The following CDH13 variants were observed in gnomAD, a reference collection of about 807,000 sequenced individuals.
CDH13 encodes cadherin 13.
Under a neutral mutation model 63.8 loss-of-function variants are expected in CDH13, and 24 were observed. The observed-to-expected ratio is 0.38, with a 90% CI of 0.27 to 0.53. The LOEUF (loss-of-function observed/expected upper bound fraction) is 0.53. Among genes scored for constraint, CDH13 ranks in the 20% least tolerant of loss-of-function variants. The pLI is 0.85. For synonymous variants in CDH13, 503 were observed against 355.3 expected, an observed-to-expected ratio of 1.42 and a Z score of -4.67; for missense variants, 1,049 against 903.1, an observed-to-expected ratio of 1.16 and a Z score of -2.07.
intron 10 of CDH13, among the ~76,000 whole-genome samples, chr16:83,742,440 C>A (rs1395667335): frequency 6.6e-6 from 1 of 151,732 alleles, no homozygotes; most frequent in Non-Finnish European, 1.5e-5. Context: ...TTTTTTTTTC[C>A]TGTAACAAGC....
At chr16:83,726,335 C>T (rs1446565407) in intron 10 of CDH13, 2 of 152,018 alleles carry the variant, frequency 1.3e-5, no homozygotes, top group African/African-American at 2.4e-5. Flanking sequence ...GGTGTCTGTT[C>T]GGGTTTTGGA....
chr16:83,109,982 G>T (rs1017706450), intron 3 of CDH13, among the ~76,000 whole-genome samples: 1 of 152,206 alleles, frequency 6.6e-6, no homozygotes, highest in African/African-American at 2.4e-5. Context: ...AGTGTGGTTT[G>T]GCAAATTTTC....
chr16:82,900,403 C>G (rs1339651228), intron 2 of CDH13, among the ~76,000 whole-genome samples: 4 of 145,186 alleles, frequency 2.8e-5, no homozygotes, highest in Non-Finnish European at 6.0e-5. Context: ...GGCCACAAGC[C>G]AAGTGTGGCC....
In CDH13 at chr16:83,779,978, C is replaced by T. The variant is rs779509555; in HGVS notation, c.1692C>T (p.Pro564=). 12 of 1,607,898 alleles carry T rather than the reference C, an allele frequency of 7.5e-6. No homozygotes were observed. Among genetic ancestry groups the T allele is most frequent in the Middle Eastern group, 1.7e-4 (1 of 6,044 alleles). Residue 564 remains proline (P), a synonymous_variant, in exon 12 of 14, where the codon CCC becomes CCT. Coordinates refer to ENST00000567109, the MANE Select transcript of CDH13 (RefSeq NM_001257.5). ...CCCTTTTTCCCACAGGCAACCCTCC[C>T]GCTACGGGCACTGGGACTTTGCTGA... ...LFLAIDSGNP[P]ATGTGTLLIT...
chr16:83,702,332 C>G (rs1906363906), intron 10 of CDH13, among the ~76,000 whole-genome samples: 1 of 152,176 alleles, frequency 6.6e-6, no homozygotes, highest in South Asian at 2.1e-4. Flanking sequence ...AACTACATTG[C>G]TCACTCCTAT....
chr16:83,501,798 A>T (rs1318075491), intron 7 of CDH13, among the ~76,000 whole-genome samples: 3 of 152,238 alleles, frequency 2.0e-5, no homozygotes, highest in Admixed American at 1.3e-4. Context: ...AATCTGACAG[A>T]TGTCTCAAGG....
rs16957949 is a variant in CDH13 at position 82,644,197 on chromosome 16, C to A, written c.45+17060C>A. On this transcript the variant is annotated intron_variant, in intron 1 of 13. Coordinates refer to ENST00000567109, the MANE Select transcript of CDH13 (RefSeq NM_001257.5). The surrounding 1 kb of genome is among the most constrained non-coding windows in gnomAD (Gnocchi z 5.7). ...AACATGAATGTTTGGCACCCTTTGG[C>A]TGGTGCGGCTGAAGAATTCAATAGC... Among the ~76,000 whole-genome samples, 1 of 151,948 alleles carries A rather than the reference C, an allele frequency of 6.6e-6. No individual in the cohort carries two copies. Among genetic ancestry groups the A allele is most frequent in the Non-Finnish European group, 1.5e-5 (1 of 67,996 alleles).
intron 6 of CDH13, among the ~76,000 whole-genome samples, chr16:83,407,841 C>G (rs1033064580): frequency 6.6e-6 from 1 of 152,172 alleles, no homozygotes; most frequent in Admixed American, 6.6e-5. Context: ...TTGTAATTGA[C>G]TTACAAATGC....
chr16:82,652,291 C>T (rs933472334), intron 1 of CDH13, among the ~76,000 whole-genome samples: 1 of 152,210 alleles, frequency 6.6e-6, no homozygotes, highest in Admixed American at 6.5e-5. Flanking sequence ...ATAGCTGGTC[C>T]TTGGCAGTTC....
chr16:83,658,630 G>T (rs1913117943), intron 8 of CDH13, among the ~76,000 whole-genome samples: 2 of 151,188 alleles, frequency 1.3e-5, no homozygotes, highest in South Asian at 4.2e-4. Flanking sequence ...TCACCAGCAA[G>T]GTCTCATGTC....
At chr16:83,324,587 C>G (rs1423805085) in intron 5 of CDH13, among the ~76,000 whole-genome samples, 3 of 152,148 alleles carry the variant, frequency 2.0e-5, no homozygotes, top group African/African-American at 7.2e-5. Flanking sequence ...GAGCTTCATC[C>G]CATTTTATAG....
chr16:83,203,946 G>A (rs2039107615), intron 4 of CDH13, among the ~76,000 whole-genome samples: 1 of 152,216 alleles, frequency 6.6e-6, no homozygotes, highest in African/African-American at 2.4e-5. Context: ...CTCAGGGGGT[G>A]TGAGAAGTTA....
chr16:83,223,316 G>A (rs1389829449), intron 5 of CDH13, among the ~76,000 whole-genome samples: 3 of 152,204 alleles, frequency 2.0e-5, no homozygotes, highest in African/African-American at 7.2e-5. Context: ...GGCAGAAAGT[G>A]GAAGGGCCAA....
intron 11 of CDH13, among the ~76,000 whole-genome samples, chr16:83,772,030 C>T (rs1914792626): frequency 6.6e-6 from 1 of 152,122 alleles, no homozygotes; most frequent in South Asian, 2.1e-4. Context: ...TGATATCACC[C>T]AACACAATGT....
rs113688839 is a variant in CDH13, at chr16:83,105,183, A to G, written c.367-20202A>G. 6.6e-3 allele frequency among the ~76,000 whole-genome samples: 1,005 copies of G among 152,260 alleles called. 18 individuals are homozygous for G. Among genetic ancestry groups the G allele is most frequent in the African/African-American group, 0.023 (959 of 41,550 alleles). On this transcript the variant is annotated intron_variant, in intron 3 of 13. Transcript: ENST00000567109. Reference sequence around the variant, plus strand: ...GATTTCACCCTTTTTGGAAAACTCAATCTGGGGCCTGCTTTCCCCAGGATC... The same window carrying G: ...GATTTCACCCTTTTTGGAAAACTCAGTCTGGGGCCTGCTTTCCCCAGGATC...
At chr16:82,659,503 A>C (rs1054136690) in intron 1 of CDH13, among the ~76,000 whole-genome samples, 2 of 152,230 alleles carry the variant, frequency 1.3e-5, no homozygotes, top group African/African-American at 2.4e-5. Context: ...GGAACAAAAA[A>C]TAACGTAAAA....
At chr16:83,198,230 T>A (rs1448004893) in intron 4 of CDH13, among the ~76,000 whole-genome samples, 1 of 152,014 alleles carries the variant, frequency 6.6e-6, no homozygotes, top group Non-Finnish European at 1.5e-5. Context: ...AGTACAACAA[T>A]TTACAGCACT....
At chr16:83,470,167 C>T (rs987151964) in intron 6 of CDH13, among the ~76,000 whole-genome samples, 1 of 152,170 alleles carries the variant, frequency 6.6e-6, no homozygotes, top group Admixed American at 6.5e-5. Flanking sequence ...ACCTATCCCT[C>T]TACTTCCCAC....
chr16:83,764,567 C>G (rs1221317004), intron 11 of CDH13, among the ~76,000 whole-genome samples: 1 of 152,160 alleles, frequency 6.6e-6, no homozygotes, highest in Non-Finnish European at 1.5e-5. Flanking sequence ...GCATTGCCAT[C>G]TACCCAGTCC....
Sources: allele counts gnomAD v4.1 joint callset (sites outside exome capture counted in the v4.1 genomes callset), GRCh38; gene constraint gnomAD v4.1.1; non-coding constraint Gnocchi (gnomAD v3.1); transcripts MANE v1.5; gene names NCBI Gene and HGNC (gene_info 2026-07-23, HGNC 2026-07-21).